The following BLTP2 variants were observed in gnomAD, a reference collection of about 807,000 sequenced individuals.
BLTP2 encodes bridge-like lipid transfer protein family member 2, also known as U937-associated antigen.
At chr17:28,636,648 G>C in the BLTP2 span, among the ~76,000 whole-genome samples, 1 of 152,102 alleles carries the variant, frequency 6.6e-6, no homozygotes, top group African/African-American at 2.4e-5. Context: ...AGTTTTGTAT[G>C]TATTTTAAAT....
chr17:28,633,633 G>A, the BLTP2 span: 25 of 1,613,934 alleles, frequency 1.5e-5, no homozygotes, highest in African/African-American at 2.7e-5. Flanking sequence ...TGTCCCACCA[G>A]GGCAAAGGTG....
the BLTP2 span, chr17:28,620,847 AC>A: frequency 1.0e-6 from 1 of 972,174 alleles, no homozygotes; most frequent in Non-Finnish European, 1.6e-6. Context: ...AGCAGAACTT[AC>A]AAAAAGTAGA....
chr17:28,627,237 G>A, the BLTP2 span, among the ~76,000 whole-genome samples: 1 of 152,080 alleles, frequency 6.6e-6, no homozygotes, highest in East Asian at 1.9e-4. Flanking sequence ...GAACGCACTA[G>A]GCTTTCAAAC....
At chr17:28,616,002 TCA>T in the BLTP2 span, 3 of 1,135,300 alleles carry the variant, frequency 2.6e-6, no homozygotes, top group Admixed American at 3.5e-5. This position sits in a 1 kb window ranked among gnomAD's most constrained non-coding sequence, Gnocchi z 4.8. Flanking sequence ...CAGCTCAGCA[TCA>T]CAAACAACCT....
chr17:28,639,287 G>T, the BLTP2 span: 1 of 1,612,666 alleles, frequency 6.2e-7, no homozygotes, highest in South Asian at 1.1e-5. Context: ...CAACTGACAA[G>T]AAGGTGGCTG....
chr17:28,639,323 C>G, the BLTP2 span: 4 of 1,612,278 alleles, frequency 2.5e-6, no homozygotes, highest in African/African-American at 2.7e-5. Context: ...ACCTTTTTTT[C>G]CTTTGCTTTA....
the BLTP2 span, among the ~76,000 whole-genome samples, chr17:28,628,047 C>CAAGG: frequency 3.3e-5 from 5 of 152,166 alleles, no homozygotes; most frequent in Non-Finnish European, 7.3e-5. Context: ...CCAACACTCC[C>CAAGG]CTTCTGATTC....
the BLTP2 span, chr17:28,618,663 AATG>A: frequency 4.1e-5 from 29 of 700,772 alleles, no homozygotes; most frequent in East Asian, 2.6e-4. Flanking sequence ...CGTTAATATT[AATG>A]ATACTATCAT....
chr17:28,631,884 G>A, the BLTP2 span: 1 of 1,614,078 alleles, frequency 6.2e-7, no homozygotes, highest in Non-Finnish European at 8.5e-7. Context: ...CAATCTGGAT[G>A]CCCCGTTGCT....
At chr17:28,641,262 G>A in the BLTP2 span, among the ~76,000 whole-genome samples, 1 of 152,204 alleles carries the variant, frequency 6.6e-6, no homozygotes, top group Non-Finnish European at 1.5e-5. Flanking sequence ...GATATGGAGA[G>A]CCAACTGTAT....
At chr17:28,624,029 A>G in the BLTP2 span, 14 of 1,486,660 alleles carry the variant, frequency 9.4e-6, no homozygotes, top group Non-Finnish European at 1.3e-5. Context: ...AGCACATTGT[A>G]TCAACCACTG....
chr17:28,640,120 C>A, the BLTP2 span: 1 of 1,375,300 alleles, frequency 7.3e-7, no homozygotes, highest in Non-Finnish European at 9.8e-7. Context: ...TTTGGCCAGG[C>A]GCAGTGGCTC....
At chr17:28,638,422 A>C in the BLTP2 span, 1 of 1,612,338 alleles carries the variant, frequency 6.2e-7, no homozygotes, top group South Asian at 1.1e-5. Context: ...TAATCTGAAC[A>C]AAGGTGAGAA....
chr17:28,642,656 A>C, the BLTP2 span, among the ~76,000 whole-genome samples: 1 of 152,212 alleles, frequency 6.6e-6, no homozygotes. Context: ...GTCTCAAAAA[A>C]AAAATTTAAA....
At chr17:28,615,822 A>C in the BLTP2 span, 1 of 1,612,082 alleles carries the variant, frequency 6.2e-7, no homozygotes, top group Non-Finnish European at 8.5e-7. Context: ...GGGAGGGGAA[A>C]GAAAAAAAGA....
At chr17:28,615,787 G>A in the BLTP2 span, 3 of 1,614,074 alleles carry the variant, frequency 1.9e-6, no homozygotes, top group Non-Finnish European at 2.5e-6. Flanking sequence ...AGTCCACACT[G>A]TTCTTCTCAC....
the BLTP2 span, chr17:28,621,386 G>A: frequency 1.2e-6 from 2 of 1,606,346 alleles, no homozygotes; most frequent in Middle Eastern, 3.3e-4. Context: ...TGCAGAGGAG[G>A]GGGAGGGCTG....
chr17:28,642,338 G>C, the BLTP2 span: 1 of 1,614,076 alleles, frequency 6.2e-7, no homozygotes, highest in Non-Finnish European at 8.5e-7. Flanking sequence ...AGATTAGCCT[G>C]GGAAAGGAAA....
At chr17:28,627,839 T>G in the BLTP2 span, among the ~76,000 whole-genome samples, 1 of 152,034 alleles carries the variant, frequency 6.6e-6, no homozygotes, top group South Asian at 2.1e-4. Context: ...TGTATTATTT[T>G]TAGTAGAGAT....
Sources: gnomAD v4.1 joint callset for allele counts (sites outside exome capture counted in the v4.1 genomes callset) on GRCh38, gnomAD v4.1.1 for gene constraint, Gnocchi (gnomAD v3.1) non-coding constraint, MANE v1.5 for transcripts, NCBI Gene and HGNC (gene_info 2026-07-23, HGNC 2026-07-21) for gene names.